SPG11: variants seen among roughly 807,000 people sequenced by gnomAD.
SPG11 encodes the protein SPG11 vesicle trafficking associated, spatacsin, also known as spatacsin.
In SPG11, 222 loss-of-function variants were observed where a neutral mutation model predicts 274.0. The ratio of observed to expected loss-of-function variants is 0.81; its 90% CI spans 0.73 to 0.91. The LOEUF is 0.91. Ranked by LOEUF, SPG11 falls within the 40% of genes least tolerant of loss-of-function variation. The pLI, the probability that SPG11 is intolerant of heterozygous loss-of-function variation, is 0.00. For synonymous variants in SPG11, 1,144 were observed against 1,039.7 expected (o/e 1.10, Z -1.93); for missense variants, 3,114 against 2,872.7 (o/e 1.08, Z -1.92).
chr15:44,650,030 C>G (rs1272928055), intron 6 of SPG11, among the ~76,000 whole-genome samples: 2 of 152,074 alleles, frequency 1.3e-5, no homozygotes, highest in East Asian at 3.8e-4. Flanking sequence ...ATATTCCTGA[C>G]ACATAGAAAT....
intron 14 of SPG11, 128 bp from the exon 15 acceptor site, chr15:44,620,531 GTCC>G: frequency 1.3e-6 from 1 of 745,248 alleles, no homozygotes; most frequent in Non-Finnish European, 2.1e-6. Context: ...AATTATTCAG[GTCC>G]TCTGTTTTAC....
Position 44,585,857 on chromosome 15 carries a change from C to T in SPG11, c.4907-7G>A. 1 of 1,612,024 alleles carries T rather than the reference C, an allele frequency of 6.2e-7. No homozygotes were observed. The highest frequency in any genetic ancestry group is 8.5e-7 in the Non-Finnish European group (1 of 1,179,118). ...AGCTTTTTCACATCTGGACCTGTGCCAAAGAGAAAAGGATATAAACATTTA... is the reference window on the plus strand; with the variant it reads ...AGCTTTTTCACATCTGGACCTGTGCTAAAGAGAAAAGGATATAAACATTTA... On this transcript the variant is annotated splice_polypyrimidine_tract_variant and splice_region_variant and intron_variant, in intron 28 of 39. Transcript: ENST00000261866.
chr15:44,591,654 A>G (rs996157407), intron 27 of SPG11, among the ~76,000 whole-genome samples: 5 of 152,240 alleles, frequency 3.3e-5, no homozygotes, highest in African/African-American at 7.2e-5. Context: ...TTTCAAATAT[A>G]TAACTTTCAA....
rs766465628 is a variant in SPG11, at chr15:44,563,088, A to C, written c.*33T>G. The C allele has an allele frequency of 1.1e-5, 17 of 1,606,624 alleles. No homozygotes were observed. The South Asian group carries it at 1.7e-4, about 16-fold the overall frequency. On this transcript the variant is annotated 3_prime_UTR_variant, in exon 40 of 40. Transcript: ENST00000261866. Reference sequence around the variant, plus strand: ...TCATCACATCTGTCAGAATCTGCTAACAGTACAAGAAAACAGACACCTATG... The same window carrying C: ...TCATCACATCTGTCAGAATCTGCTACCAGTACAAGAAAACAGACACCTATG...
chr15:44,563,287 T>C lies in SPG11; in HGVS notation c.7166A>G (p.Gln2389Arg), dbSNP rs1321393268. ...GTTTTCCATGACCATGTCAGTAGGCTGATGTTGTTTATATCTAGATAAAGA... is the reference window on the plus strand; with the variant it reads ...GTTTTCCATGACCATGTCAGTAGGCCGATGTTGTTTATATCTAGATAAAGA... The part of the protein sequence containing the change: ...EEISKKYKQH[Q>R]PTDMVMENLK... Residue 2389 changes from glutamine (Q) to arginine (R), a missense_variant, in exon 40 of 40, where the codon CAG (glutamine) becomes CGG (arginine). Gln to Arg is a conservative substitution (Grantham distance 43). Coordinates refer to ENST00000261866, the MANE Select transcript of SPG11 (RefSeq NM_025137.4). The C allele has an allele frequency of 3.1e-6, 5 of 1,613,268 alleles. No individual in the cohort carries two copies. Among genetic ancestry groups the C allele is most frequent in the African/African-American group, 1.3e-5 (1 of 74,916 alleles).
At chr15:44,622,927 G>A (rs2083794793) in intron 11 of SPG11, 128 bp from the exon 12 acceptor site, 3 of 785,750 alleles carry the variant, frequency 3.8e-6, no homozygotes, top group Non-Finnish European at 6.8e-6. Flanking sequence ...ATAGCTTTCT[G>A]CTCTTTCAAA....
intron 20 of SPG11, among the ~76,000 whole-genome samples, chr15:44,603,131 T>C (rs2083239011): frequency 6.6e-6 from 1 of 150,824 alleles, no homozygotes; most frequent in African/African-American, 2.5e-5. Context: ...CATAGCTCAC[T>C]GCAGCCTTGA....
rs773943738 is a variant in SPG11, at chr15:44,566,180, A to G, written c.6843+37T>C. The G allele has an allele frequency of 6.2e-6, 10 of 1,610,026 alleles. No individual in the cohort carries two copies. The Admixed American group carries it at 8.3e-5, about 13-fold the overall frequency. On this transcript the variant is annotated intron_variant, in intron 37 of 39. Coordinates refer to ENST00000261866, the MANE Select transcript of SPG11 (RefSeq NM_025137.4). ...GAAAATAATTTTACTGCAGACAGCA[A>G]GTCCCAAGGCCAGTCTGAAAAAAGC...
In SPG11 at chr15:44,615,349, T is replaced by C. The variant is rs774593393; in HGVS notation, c.3038+14A>G. ...GAAGACCTGCTCAAGGACAAATGCATTCTCAGTACTCACTTGTAACAGTCA... is the reference window on the plus strand; with the variant it reads ...GAAGACCTGCTCAAGGACAAATGCACTCTCAGTACTCACTTGTAACAGTCA... On this transcript the variant is annotated intron_variant, in intron 16 of 39. Coordinates refer to ENST00000261866, the MANE Select transcript of SPG11 (RefSeq NM_025137.4). 71 of 1,612,106 alleles carry C rather than the reference T, an allele frequency of 4.4e-5. No individual in the cohort carries two copies. Among genetic ancestry groups the C allele is most frequent in the Non-Finnish European group, 5.3e-5 (63 of 1,179,180 alleles).
intron 22 of SPG11, 58 bp from the exon 23 acceptor site, chr15:44,598,431 T>C: frequency 6.6e-7 from 1 of 1,522,600 alleles, no homozygotes; most frequent in Non-Finnish European, 9.1e-7. Flanking sequence ...ACCTGAGCAT[T>C]TCTGTTTGAA....
At chr15:44,654,077 C>T (rs964610801) in intron 4 of SPG11, among the ~76,000 whole-genome samples, 39 of 152,210 alleles carry the variant, frequency 2.6e-4, no homozygotes, top group African/African-American at 8.7e-4. Flanking sequence ...CCTCAGCCTC[C>T]GGAGTAGCTG....
intron 30 of SPG11, 66 bp from the exon 31 acceptor site, chr15:44,575,107 T>C (rs998609691): frequency 5.6e-6 from 9 of 1,595,788 alleles, no homozygotes; most frequent in Non-Finnish European, 1.7e-6. Flanking sequence ...TAGCTCTCTA[T>C]GGCTCTACCT....
In SPG11 at chr15:44,562,883, C is replaced by G. The variant is rs2288343; in HGVS notation, c.*238G>C. On this transcript the variant is annotated 3_prime_UTR_variant, in exon 40 of 40. Transcript: ENST00000261866. ...TCCTGAGGAAGAGGAAGCTTTTGATCTTAATACTAGTATCTATATAAAATG... is the reference window on the plus strand; with the variant it reads ...TCCTGAGGAAGAGGAAGCTTTTGATGTTAATACTAGTATCTATATAAAATG... 89 of 492,218 alleles carry G rather than the reference C, an allele frequency of 1.8e-4. 1 individual carries two copies. In the East Asian group the frequency reaches 3.0e-3, roughly 17 times the overall value. The allele number at this position is 492,218 out of a possible 1,614,324, so 30.5% of individuals were successfully genotyped here.
intron 18 of SPG11, among the ~76,000 whole-genome samples, chr15:44,610,115 C>T (rs2083424008): frequency 1.3e-5 from 2 of 151,868 alleles, no homozygotes; most frequent in African/African-American, 4.8e-5. Flanking sequence ...GTTGGCCAGG[C>T]TGGTTTTGAA....
At chr15:44,627,444 T>C (rs1367481593) in intron 10 of SPG11, among the ~76,000 whole-genome samples, 1 of 151,954 alleles carries the variant, frequency 6.6e-6, no homozygotes, top group Non-Finnish European at 1.5e-5. Flanking sequence ...TATAACCCCT[T>C]CCCCTGGCAA....
chr15:44,627,551 G>T (rs2083937613), intron 10 of SPG11, among the ~76,000 whole-genome samples: 1 of 151,718 alleles, frequency 6.6e-6, no homozygotes, highest in Non-Finnish European at 1.5e-5. Context: ...CTGTGAAGGA[G>T]ACAGGAAAAA....
intron 30 of SPG11, among the ~76,000 whole-genome samples, chr15:44,580,336 A>C (rs944493587): frequency 2.6e-5 from 4 of 152,250 alleles, no homozygotes; most frequent in Non-Finnish European, 5.9e-5. Flanking sequence ...TAAGATGTTT[A>C]CACAGTGATG....
chr15:44,581,181 T>A (rs2082652317), intron 30 of SPG11, among the ~76,000 whole-genome samples: 1 of 152,194 alleles, frequency 6.6e-6, no homozygotes, highest in Non-Finnish European at 1.5e-5. Context: ...GAACAACATT[T>A]TCAAGCACTG....
In SPG11 at chr15:44,589,520, C is replaced by T. The variant is rs144506323; in HGVS notation, c.4744-106G>A. 348 of 1,331,420 alleles carry T rather than the reference C, an allele frequency of 2.6e-4. 2 individuals are homozygous for T. The African/African-American group carries it at 3.8e-3, about 15-fold the overall frequency. The allele number at this position is 1,331,420 out of a possible 1,614,324, so 82.5% of individuals were successfully genotyped here. On this transcript the variant is annotated intron_variant, in intron 27 of 39. Coordinates refer to ENST00000261866, the MANE Select transcript of SPG11 (RefSeq NM_025137.4). Reference sequence around the variant, plus strand: ...AGAAAGCTAAAATTCCCTCAAAAGCCATCGCCTGTCATGAGGCACTTACTC... The same window carrying T: ...AGAAAGCTAAAATTCCCTCAAAAGCTATCGCCTGTCATGAGGCACTTACTC...
Sources: allele counts gnomAD v4.1 joint callset (sites outside exome capture counted in the v4.1 genomes callset), GRCh38; gene constraint gnomAD v4.1.1; transcripts MANE v1.5; gene names NCBI Gene and HGNC (gene_info 2026-07-23, HGNC 2026-07-21).